The following CHN1 variants were observed in gnomAD, a reference collection of about 807,000 sequenced individuals.
CHN1 encodes the protein N-chimaerin.
Under a neutral mutation model 59.5 loss-of-function variants are expected in CHN1, and 37 were observed. The ratio of observed to expected loss-of-function variants is 0.62; its 90% confidence interval spans 0.48 to 0.82. The LOEUF (loss-of-function observed/expected upper bound fraction) is 0.82. Among genes scored for constraint, CHN1 ranks in the 40% least tolerant of loss-of-function variants. The pLI is 0.00. For synonymous variants in CHN1, 206 were observed against 200.4 expected (o/e 1.03, Z -0.24); for missense variants, 469 against 571.0 (o/e 0.82, Z 1.82).
chr2:174,906,436 AGGGCT>A (rs1284311195), intron 5 of CHN1, among the ~76,000 whole-genome samples: 1 of 152,194 alleles, frequency 6.6e-6, no homozygotes, highest in Non-Finnish European at 1.5e-5. Context: ...GTGGTTGCCT[AGGGCT>A]GGGAGAGCTG....
At chr2:174,983,379 T>G (rs1274860599) in intron 1 of CHN1, among the ~76,000 whole-genome samples, 2 of 151,974 alleles carry the variant, frequency 1.3e-5, no homozygotes, top group South Asian at 2.1e-4. Context: ...AGACTAAGTG[T>G]GAGGGGGATG....
At chr2:174,970,666 G>A (rs1165168227) in intron 1 of CHN1, among the ~76,000 whole-genome samples, 1 of 152,112 alleles carries the variant, frequency 6.6e-6, no homozygotes, top group African/African-American at 2.4e-5. Flanking sequence ...TATCATGTGT[G>A]GGCAAAAGAT....
chr2:174,837,451 G>C (rs1686126871), intron 7 of CHN1: 1 of 152,224 alleles, frequency 6.6e-6, no homozygotes, highest in South Asian at 2.1e-4. Context: ...CACCTAATGT[G>C]ACAACAAGCC....
At chr2:174,987,205 G>C (rs984237789) in intron 1 of CHN1, among the ~76,000 whole-genome samples, 2 of 152,138 alleles carry the variant, frequency 1.3e-5, no homozygotes, top group African/African-American at 4.8e-5. Context: ...CAAATACGTG[G>C]ATTTTTGACA....
intron 7 of CHN1, 71 bp downstream of exon 7, chr2:174,846,809 A>T: frequency 1.5e-6 from 2 of 1,334,424 alleles, no homozygotes; most frequent in Non-Finnish European, 2.0e-6. Flanking sequence ...AAAAGACATA[A>T]GATATTCCTT....
intron 7 of CHN1, among the ~76,000 whole-genome samples, chr2:174,827,036 A>G (rs1685710015): frequency 6.6e-6 from 1 of 152,128 alleles, no homozygotes; most frequent in African/African-American, 2.4e-5. Flanking sequence ...TTACAAAACT[A>G]TTTGTCTAAC....
chr2:174,942,663 C>G (rs933806231), intron 3 of CHN1, among the ~76,000 whole-genome samples: 2 of 152,110 alleles, frequency 1.3e-5, no homozygotes, highest in Admixed American at 6.5e-5. Context: ...TAATTACCCT[C>G]AATCATTACA....
chr2:174,828,186 T>G (rs1030154826), intron 7 of CHN1, among the ~76,000 whole-genome samples: 1 of 152,112 alleles, frequency 6.6e-6, no homozygotes, highest in Non-Finnish European at 1.5e-5. Flanking sequence ...AGTTCAGTTA[T>G]GGAGCAAATG....
chr2:174,851,530 C>T (rs944434216), intron 6 of CHN1, among the ~76,000 whole-genome samples: 5 of 152,152 alleles, frequency 3.3e-5, no homozygotes, highest in African/African-American at 1.2e-4. Context: ...GATTCACTGG[C>T]CTCAGCCTCC....
chr2:174,991,395 G>A (rs998618522), intron 1 of CHN1, among the ~76,000 whole-genome samples: 2 of 152,114 alleles, frequency 1.3e-5, no homozygotes, highest in African/African-American at 2.4e-5. Context: ...ACATTAAAGG[G>A]GCCAGAAAAT....
At chr2:174,883,979 T>TC (rs1687817979) in intron 5 of CHN1, among the ~76,000 whole-genome samples, 1 of 148,712 alleles carries the variant, frequency 6.7e-6, no homozygotes, top group Non-Finnish European at 1.5e-5. Flanking sequence ...TTTTTTTTTT[T>TC]TTTTTTTAGA....
intron 7 of CHN1, among the ~76,000 whole-genome samples, chr2:174,837,913 A>G (rs962524737): frequency 1.3e-5 from 2 of 152,194 alleles, no homozygotes; most frequent in African/African-American, 2.4e-5. Flanking sequence ...GGAGGCAACA[A>G]TATTTTTGTG....
At chr2:174,815,914 C>G (rs1224717457) in intron 8 of CHN1, among the ~76,000 whole-genome samples, 1 of 152,074 alleles carries the variant, frequency 6.6e-6, no homozygotes, top group Non-Finnish European at 1.5e-5. Context: ...ACCTAGTTTA[C>G]AAAGTTTTTT....
intron 5 of CHN1, among the ~76,000 whole-genome samples, chr2:174,890,293 G>C (rs1688008835): frequency 6.6e-6 from 1 of 152,088 alleles, no homozygotes; most frequent in Non-Finnish European, 1.5e-5. Context: ...ATGGAAAATA[G>C]ACTTTTACTA....
intron 6 of CHN1, among the ~76,000 whole-genome samples, chr2:174,857,999 A>G (rs939148239): frequency 2.0e-5 from 3 of 152,140 alleles, no homozygotes; most frequent in Admixed American, 2.0e-4. Context: ...GTGTTTTCAG[A>G]TTTTAAACTG....
intron 2 of CHN1, among the ~76,000 whole-genome samples, chr2:174,946,237 A>C (rs191162656): frequency 6.2e-4 from 94 of 152,314 alleles, no homozygotes; most frequent in Non-Finnish European, 3.1e-4. Flanking sequence ...CCTAGCACAC[A>C]GTAAATGCTC....
At chr2:174,895,587 C>A (rs1342236401) in intron 5 of CHN1, among the ~76,000 whole-genome samples, 4 of 152,018 alleles carry the variant, frequency 2.6e-5, no homozygotes, top group African/African-American at 9.7e-5. Context: ...TTCAGAAAAA[C>A]AGGGGTACAG....
intron 8 of CHN1, among the ~76,000 whole-genome samples, chr2:174,820,829 C>T (rs1439767491): frequency 6.6e-6 from 1 of 152,152 alleles, no homozygotes; most frequent in African/African-American, 2.4e-5. Context: ...AATACCTTTA[C>T]ATGATGTTTA....
chr2:174,962,463 C>T (rs574459452), intron 1 of CHN1, among the ~76,000 whole-genome samples: 8 of 152,200 alleles, frequency 5.3e-5, no homozygotes, highest in Non-Finnish European at 7.4e-5. Context: ...AGGTCTCAAG[C>T]GCTCACAACA....
Sources: gnomAD v4.1 joint callset for allele counts (sites outside exome capture counted in the v4.1 genomes callset) on GRCh38, gnomAD v4.1.1 for gene constraint, MANE v1.5 for transcripts, NCBI Gene and HGNC (gene_info 2026-07-23, HGNC 2026-07-21) for gene names.